The following GPC6 variants were observed in gnomAD, a reference collection of about 807,000 sequenced individuals.
The protein encoded by GPC6 is glypican-6.
GPC6 carries 14 observed loss-of-function variants against 55.2 expected under a neutral mutation model. The ratio of observed to expected loss-of-function variants is 0.25; its 90% CI spans 0.17 to 0.40. The LOEUF is 0.40. Ranked by LOEUF, GPC6 falls within the 10% of genes least tolerant of loss-of-function variation. The probability of loss-of-function intolerance (pLI) is 1.00; values close to 1 mark genes in which losing one functional copy is unlikely to be tolerated. For synonymous variants in GPC6, 278 were observed against 259.6 expected, an observed-to-expected ratio of 1.07 and a Z score of -0.68; for missense variants, 641 against 708.5, an observed-to-expected ratio of 0.90 and a Z score of 1.08.
intron 2 of GPC6, among the ~76,000 whole-genome samples, chr13:93,623,691 C>G (rs1879065553): frequency 1.3e-5 from 2 of 152,092 alleles, no homozygotes; most frequent in South Asian, 4.1e-4. Context: ...ATCTCCTGAC[C>G]TGGTGATCCA....
intron 2 of GPC6, among the ~76,000 whole-genome samples, chr13:93,775,875 C>T (rs1005559305): frequency 6.6e-6 from 1 of 152,076 alleles, no homozygotes; most frequent in East Asian, 1.9e-4. Flanking sequence ...GAAAATAATT[C>T]TCTGAAAAGT....
At chr13:94,311,218 C>CTT (rs34239151) in intron 6 of GPC6, among the ~76,000 whole-genome samples, 6 of 145,310 alleles carry the variant, frequency 4.1e-5, no homozygotes, top group Non-Finnish European at 6.1e-5. Flanking sequence ...GCTAATAACA[C>CTT]TTTTTTTTTT....
chr13:94,161,234 G>C (rs1888152575), intron 4 of GPC6, among the ~76,000 whole-genome samples: 1 of 152,120 alleles, frequency 6.6e-6, no homozygotes, highest in Admixed American at 6.6e-5. Context: ...AGAGCAGAGA[G>C]AAAAATCTAA....
At chr13:93,909,617 C>A (rs1876856471) in intron 3 of GPC6, among the ~76,000 whole-genome samples, 1 of 152,146 alleles carries the variant, frequency 6.6e-6, no homozygotes. Flanking sequence ...TTTGAAGTTG[C>A]TGACCCCTCT....
chr13:93,466,888 ACACT>A (rs1280754211), intron 1 of GPC6, among the ~76,000 whole-genome samples: 6 of 152,200 alleles, frequency 3.9e-5, no homozygotes, highest in East Asian at 1.9e-4. Flanking sequence ...TAATTCTGGG[ACACT>A]CACTCAGTCC....
intron 2 of GPC6, among the ~76,000 whole-genome samples, chr13:93,792,827 T>C (rs760381603): frequency 7.9e-5 from 12 of 152,104 alleles, no homozygotes; most frequent in Non-Finnish European, 1.6e-4. Flanking sequence ...AGAGGTGAGC[T>C]TCTCAGGACA....
At chr13:94,336,611 G>A (rs1323215087) in intron 6 of GPC6, among the ~76,000 whole-genome samples, 1 of 152,114 alleles carries the variant, frequency 6.6e-6, no homozygotes, top group Non-Finnish European at 1.5e-5. Context: ...TCTGAATTAT[G>A]AACGAAGGGT....
intron 6 of GPC6, among the ~76,000 whole-genome samples, chr13:94,353,218 G>C (rs1199807939): frequency 6.6e-6 from 1 of 152,054 alleles, no homozygotes; most frequent in Non-Finnish European, 1.5e-5. Flanking sequence ...CCAGCAATGG[G>C]AACACACTGT....
chr13:94,278,496 G>A (rs774367893), intron 4 of GPC6, among the ~76,000 whole-genome samples: 1 of 152,118 alleles, frequency 6.6e-6, no homozygotes, highest in South Asian at 2.1e-4. Flanking sequence ...ATGAGAGAGG[G>A]CATCCTTGTC....
intron 6 of GPC6, among the ~76,000 whole-genome samples, chr13:94,346,938 C>T (rs764717413): frequency 6.6e-6 from 1 of 152,108 alleles, no homozygotes; most frequent in Non-Finnish European, 1.5e-5. Context: ...TGCTCAACAT[C>T]CTACACTTTC....
At chr13:93,587,197 T>A (rs1289524850) in intron 2 of GPC6, among the ~76,000 whole-genome samples, 1 of 151,894 alleles carries the variant, frequency 6.6e-6, no homozygotes, top group East Asian at 1.9e-4. Context: ...ATATTACTTA[T>A]TATATAATAT....
intron 3 of GPC6, among the ~76,000 whole-genome samples, chr13:93,857,693 T>C (rs1317439741): frequency 6.6e-6 from 1 of 151,602 alleles, no homozygotes; most frequent in Non-Finnish European, 1.5e-5. Flanking sequence ...GAACACATTG[T>C]TTTCAGCAAA....
At chr13:93,495,347 G>T (rs1363067070) in intron 1 of GPC6, among the ~76,000 whole-genome samples, 2 of 147,540 alleles carry the variant, frequency 1.4e-5, no homozygotes. Flanking sequence ...TCTTCACGTA[G>T]TTCTCGAGCC....
chr13:94,129,278 C>T (rs1886931439), intron 4 of GPC6, among the ~76,000 whole-genome samples: 1 of 152,042 alleles, frequency 6.6e-6, no homozygotes, highest in Non-Finnish European at 1.5e-5. Context: ...ACAACTACTG[C>T]CTGCTCTCAG....
chr13:93,774,135 G>A (rs917994466), intron 2 of GPC6, among the ~76,000 whole-genome samples: 9 of 152,182 alleles, frequency 5.9e-5, no homozygotes, highest in Non-Finnish European at 1.5e-5. Context: ...AAACTATGAA[G>A]ACTGTTCCAG....
intron 2 of GPC6, among the ~76,000 whole-genome samples, chr13:93,618,823 A>T (rs1878832059): frequency 6.6e-6 from 1 of 152,168 alleles, no homozygotes; most frequent in South Asian, 2.1e-4. Flanking sequence ...TTAATTATAG[A>T]CATGCATTGC....
chr13:93,890,715 A>ATTTTTTTTTTTT (rs757639517), intron 3 of GPC6, among the ~76,000 whole-genome samples: 1 of 126,414 alleles, frequency 7.9e-6, no homozygotes, highest in African/African-American at 3.7e-5. Flanking sequence ...AATTTTACTT[A>ATTTTTTTTTTTT]ATTTTTTTTT....
intron 2 of GPC6, among the ~76,000 whole-genome samples, chr13:93,601,058 C>T (rs562787864): frequency 5.0e-4 from 76 of 150,968 alleles, no homozygotes; most frequent in Admixed American, 9.9e-4. Context: ...ATGATCTTCA[C>T]TAGAGGAAAA....
intron 4 of GPC6, among the ~76,000 whole-genome samples, chr13:94,245,093 A>G (rs1366038958): frequency 6.6e-6 from 1 of 151,992 alleles, no homozygotes; most frequent in Non-Finnish European, 1.5e-5. Flanking sequence ...TGTGGTCTTC[A>G]TATTGTACAT....
Sources: gnomAD v4.1 joint callset for allele counts (sites outside exome capture counted in the v4.1 genomes callset) on GRCh38, gnomAD v4.1.1 for gene constraint, MANE v1.5 for transcripts, NCBI Gene and HGNC (gene_info 2026-07-23, HGNC 2026-07-21) for gene names.